The following RBBP4 variants were observed in gnomAD, a reference collection of about 807,000 sequenced individuals.
RBBP4 encodes histone-binding protein RBBP4.
In RBBP4, 3 loss-of-function variants were observed where a neutral mutation model predicts 57.2. The observed-to-expected ratio is 0.05, with a 90% CI of 0.02 to 0.14. RBBP4 has a LOEUF of 0.14. RBBP4 is among the 10% of genes least tolerant of loss of function. RBBP4 has a pLI of 1.00. For synonymous variants in RBBP4, 151 were observed against 171.5 expected (o/e 0.88, Z 0.93); for missense variants, 107 against 520.6 (o/e 0.21, Z 7.73).
At chr1:32,657,090 ACATGG>A (rs1365240630) in intron 2 of RBBP4, among the ~76,000 whole-genome samples, 4 of 152,122 alleles carry the variant, frequency 2.6e-5, no homozygotes, top group African/African-American at 7.2e-5. Flanking sequence ...AGCCTGGCCA[ACATGG>A]TGAAATCCCG....
chr1:32,659,246 G>A (rs991564118), intron 3 of RBBP4, among the ~76,000 whole-genome samples: 1 of 150,894 alleles, frequency 6.6e-6, no homozygotes, highest in African/African-American at 2.4e-5. Context: ...TGTAAAAAAC[G>A]CACCCCTTCT....
In RBBP4 at chr1:32,680,143, A is replaced by G. The variant is rs1270166935; in HGVS notation, c.*438A>G. Reference sequence around the variant, plus strand: ...GGAAATAGGGGGAGATTCAAGTCATATAGATTCCTACTCGAAAATCTTGAC... The same window carrying G: ...GGAAATAGGGGGAGATTCAAGTCATGTAGATTCCTACTCGAAAATCTTGAC... On this transcript the variant is annotated 3_prime_UTR_variant, in exon 12 of 12. Coordinates refer to ENST00000373493, the MANE Select transcript of RBBP4 (RefSeq NM_005610.3). 5 of 1,075,290 alleles carry G rather than the reference A, an allele frequency of 4.6e-6. No individual in the cohort carries two copies. Among genetic ancestry groups the G allele is most frequent in the Admixed American group, 1.0e-4 (2 of 19,560 alleles). The allele number at this position is 1,075,290 out of a possible 1,614,324, so 66.6% of individuals were successfully genotyped here. A position where few individuals can be genotyped will look rare whatever the true frequency, so the allele number is the denominator to read the frequency against.
intron 1 of RBBP4, 145 bp from the exon 2 acceptor site, chr1:32,651,769 G>C: frequency 1.0e-6 from 1 of 995,758 alleles, no homozygotes; most frequent in East Asian, 2.6e-5. Context: ...CGCGAAAGTG[G>C]AGAGTGTGGA....
At chr1:32,663,426 T>C (rs1274615684) in intron 3 of RBBP4, among the ~76,000 whole-genome samples, 5 of 152,166 alleles carry the variant, frequency 3.3e-5, no homozygotes, top group Non-Finnish European at 7.4e-5. Flanking sequence ...TATTTATTTA[T>C]TTTGTATTAT....
intron 11 of RBBP4, among the ~76,000 whole-genome samples, chr1:32,676,371 G>A (rs944407455): frequency 2.0e-5 from 3 of 152,230 alleles, no homozygotes; most frequent in African/African-American, 4.8e-5. Flanking sequence ...TTGGGAGGCC[G>A]AGGTGGGCAG....
rs973001298 is a variant in RBBP4 at position 32,684,695 on chromosome 1, A to G, written c.*4990A>G. The G allele has an allele frequency of 3.8e-5, 10 of 266,338 alleles. No individual in the cohort carries two copies. The East Asian group carries it at 8.3e-4, about 22-fold the overall frequency. The allele number at this position is 266,338 out of a possible 1,614,324, so 16.5% of individuals were successfully genotyped here. ...GTGTCATTGAGGAGGATTTTGGTCT[A>G]GTTAGTGGGCTGAGTTTCATATACC... is the stretch of plus-strand genomic sequence containing the variant. On this transcript the variant is annotated 3_prime_UTR_variant, in exon 12 of 12. Coordinates refer to ENST00000373493, the MANE Select transcript of RBBP4 (RefSeq NM_005610.3).
intron 2 of RBBP4, among the ~76,000 whole-genome samples, chr1:32,653,912 C>G (rs1172333607): frequency 6.6e-6 from 1 of 151,878 alleles, no homozygotes; most frequent in East Asian, 1.9e-4. Flanking sequence ...CCCGCCTCGG[C>G]CTTCCAAAGT....
At chr1:32,671,669 G>A (rs1167839502) in intron 8 of RBBP4, among the ~76,000 whole-genome samples, 1 of 148,388 alleles carries the variant, frequency 6.7e-6, no homozygotes, top group Non-Finnish European at 1.5e-5. Context: ...GTCCAGCCTA[G>A]AAGCAATATA....
In RBBP4 at chr1:32,658,868, G is replaced by T. The variant is rs1329718900; in HGVS notation, c.310+1296G>T. Among the ~76,000 whole-genome samples, 3 of 151,092 alleles carry T rather than the reference G, an allele frequency of 2.0e-5. No homozygotes were observed. The East Asian group carries it at 5.8e-4, about 29-fold the overall frequency. On this transcript the variant is annotated intron_variant, in intron 3 of 11. Transcript: ENST00000373493. ...ATAAATTGTAAAACTACATATATGT[G>T]TGTGTATATATTTATATTGTGTGTG...
chr1:32,659,323 G>A (rs1648299832), intron 3 of RBBP4, among the ~76,000 whole-genome samples: 2 of 151,800 alleles, frequency 1.3e-5, no homozygotes, highest in South Asian at 2.1e-4. Flanking sequence ...CACTTTGGGA[G>A]GCTGAGACCA....
rs770789932 is a variant in RBBP4 at position 32,681,765 on chromosome 1, G to A, written c.*2060G>A. ...AAGTTTCTGGCACTCTTGTCTGGTT[G>A]GAAGAGTACATCCAAAGGGTACTTA... On this transcript the variant is annotated 3_prime_UTR_variant, in exon 12 of 12. Coordinates refer to ENST00000373493, the MANE Select transcript of RBBP4 (RefSeq NM_005610.3). The A allele has an allele frequency of 5.0e-6, 8 of 1,609,780 alleles. No homozygotes were observed. Among genetic ancestry groups the A allele is most frequent in the African/African-American group, 1.3e-5 (1 of 74,948 alleles).
At chr1:32,666,992 C>G (rs1284781136) in intron 3 of RBBP4, among the ~76,000 whole-genome samples, 2 of 152,214 alleles carry the variant, frequency 1.3e-5, no homozygotes, top group African/African-American at 4.8e-5. Flanking sequence ...ATAAGGGCCA[C>G]TTGAGGGCTC....
intron 1 of RBBP4, 161 bp downstream of exon 1, chr1:32,651,483 C>G: frequency 7.3e-7 from 1 of 1,365,008 alleles, no homozygotes. Flanking sequence ...TAACGGCTCG[C>G]CAGTTCCCTG....
In RBBP4 at chr1:32,683,715, C is replaced by T; in HGVS notation, c.*4010C>T. ...GTATTGTGATCTTGACTCACTGCAA[C>T]CTCTGCCTCCTGGTTCAAGCGATTC... On this transcript the variant is annotated 3_prime_UTR_variant, in exon 12 of 12. Coordinates refer to ENST00000373493, the MANE Select transcript of RBBP4 (RefSeq NM_005610.3). 2 of 309,046 alleles carry T rather than the reference C, an allele frequency of 6.5e-6. No homozygotes were observed. Among genetic ancestry groups the T allele is most frequent in the South Asian group, 7.2e-5 (2 of 27,884 alleles). 19.1% of individuals were successfully genotyped at this position (309,046 alleles called of 1,614,324 possible). A position where few individuals can be genotyped will look rare whatever the true frequency, so the allele number is the denominator to read the frequency against.
At chr1:32,651,481 C>T in intron 1 of RBBP4, 159 bp downstream of exon 1, 2 of 1,364,732 alleles carry the variant, frequency 1.5e-6, no homozygotes, top group South Asian at 2.0e-5. Context: ...GCTAACGGCT[C>T]GCCAGTTCCC....
chr1:32,679,154 A>G (rs1276190940), intron 11 of RBBP4, among the ~76,000 whole-genome samples: 6 of 152,126 alleles, frequency 3.9e-5, no homozygotes, highest in Admixed American at 3.9e-4. Context: ...AAAATTAGCC[A>G]GGCGTAGTGG....
intron 11 of RBBP4, among the ~76,000 whole-genome samples, chr1:32,674,302 C>T (rs1649002599): frequency 2.3e-5 from 1 of 43,178 alleles, no homozygotes; most frequent in South Asian, 1.2e-3. Context: ...GGTGCGATTA[C>T]AGCTCACTGC....
Position 32,684,381 on chromosome 1 carries a change from TC to T in RBBP4, c.*4678del, listed in dbSNP as rs1463701260. 6 of 1,614,084 alleles carry T rather than the reference TC, an allele frequency of 3.7e-6. No homozygotes were observed. Among genetic ancestry groups the T allele is most frequent in the Admixed American group, 1.7e-5 (1 of 59,980 alleles). On this transcript the variant is annotated 3_prime_UTR_variant, in exon 12 of 12. Transcript: ENST00000373493. ...GCGTTCTTCCATTTCCTCCAGCTGT[TC>T]CTGCATGAGATGGCCAAGAACATTT...
chr1:32,663,582 A>AT (rs11417558), intron 3 of RBBP4, among the ~76,000 whole-genome samples: 125,995 of 147,372 alleles, frequency 0.85, 55,226 homozygotes, highest in Non-Finnish European at 0.96. Context: ...CCCCTGAAAT[A>AT]TTTTTTTTTT....
Sources: allele counts gnomAD v4.1 joint callset (sites outside exome capture counted in the v4.1 genomes callset), GRCh38; gene constraint gnomAD v4.1.1; transcripts MANE v1.5; gene names NCBI Gene and HGNC (gene_info 2026-07-23, HGNC 2026-07-21).